DYNC1LI2: variants seen among roughly 807,000 people sequenced by gnomAD.
DYNC1LI2 encodes the protein cytoplasmic dynein 1 light intermediate chain 2.
Under a neutral mutation model 57.8 loss-of-function variants are expected in DYNC1LI2, and 19 were observed. The observed-to-expected ratio is 0.33, with a 90% CI of 0.23 to 0.48. The LOEUF (loss-of-function observed/expected upper bound fraction) is 0.48. Ranked by LOEUF, DYNC1LI2 falls within the 20% of genes least tolerant of loss-of-function variation. The probability of loss-of-function intolerance (pLI) is 0.99; values close to 1 mark genes in which losing one functional copy is unlikely to be tolerated. For missense variants in DYNC1LI2, 470 were observed against 604.2 expected (o/e 0.78, Z 2.33); for synonymous variants, 256 against 233.4 (o/e 1.10, Z -0.88).
In DYNC1LI2 at chr16:66,723,221, C is replaced by T. The variant is rs557815931; in HGVS notation, c.*501G>A. ...AGTATTTACTGACACTGCTCATCTC[C>T]TCCTTCCTCCACCTCCCTCAACATT... On this transcript the variant is annotated 3_prime_UTR_variant, in exon 13 of 13. Coordinates refer to ENST00000258198, the MANE Select transcript of DYNC1LI2 (RefSeq NM_006141.3). The T allele has an allele frequency of 1.6e-3, 654 of 411,590 alleles. 3 individuals carry two copies. Among genetic ancestry groups the T allele is most frequent in the South Asian group, 8.2e-3 (464 of 56,576 alleles). 25.5% of individuals were successfully genotyped at this position (411,590 alleles called of 1,614,324 possible).
intron 4 of DYNC1LI2, among the ~76,000 whole-genome samples, chr16:66,742,174 G>C (rs2144999051): frequency 6.6e-6 from 1 of 152,332 alleles, no homozygotes; most frequent in South Asian, 2.1e-4. Context: ...ATTTTAGGGA[G>C]TGAGGGAAGA....
rs1465783217 is a variant in DYNC1LI2, at chr16:66,742,613, C to G, written c.354G>C (p.Leu118=). ...ILDGDLYHKG[L]LKFAVSAESL... is the part of the protein sequence containing the mutation. Reference sequence around the variant, plus strand: ...ATTCAGCAGAAACTGCAAATTTCAGCAGGCCTTTGTGGTACAAGTCTCCAT... The same window carrying G: ...ATTCAGCAGAAACTGCAAATTTCAGGAGGCCTTTGTGGTACAAGTCTCCAT... The change falls in exon 4 of 13, where the codon CTG becomes CTC. Residue 118 remains leucine (L), a synonymous_variant. Transcript: ENST00000258198. 3 of 1,614,074 alleles carry G rather than the reference C, an allele frequency of 1.9e-6. No homozygotes were observed. The highest frequency in any genetic ancestry group is 2.5e-6 in the Non-Finnish European group (3 of 1,180,044).
At chr16:66,726,438 TAG>T (rs1279337818) in intron 11 of DYNC1LI2, among the ~76,000 whole-genome samples, 1 of 152,238 alleles carries the variant, frequency 6.6e-6, no homozygotes, top group Non-Finnish European at 1.5e-5. Flanking sequence ...CCACAATTCA[TAG>T]ACAGTCATCA....
intron 6 of DYNC1LI2, among the ~76,000 whole-genome samples, chr16:66,733,729 A>T (rs9922030): frequency 0.5 from 76,578 of 151,730 alleles, 20,190 homozygotes; most frequent in African/African-American, 0.64. Context: ...AAAAATCTGG[A>T]AGTGGTGGCG....
At chr16:66,749,465 G>C in intron 2 of DYNC1LI2, 152 bp from the exon 3 acceptor site, 1 of 759,884 alleles carries the variant, frequency 1.3e-6, no homozygotes, top group Admixed American at 2.3e-5. Context: ...GACTTTGCTG[G>C]AAGAGTGGTT....
intron 11 of DYNC1LI2, among the ~76,000 whole-genome samples, 198 bp downstream of exon 11, chr16:66,727,490 G>A (rs1359374489): frequency 6.6e-6 from 1 of 152,192 alleles, no homozygotes; most frequent in Non-Finnish European, 1.5e-5. Flanking sequence ...TTCTAACAAA[G>A]GAACAGGCCC....
intron 4 of DYNC1LI2, among the ~76,000 whole-genome samples, chr16:66,741,001 T>A (rs1230935533): frequency 6.6e-6 from 1 of 152,208 alleles, no homozygotes; most frequent in Admixed American, 6.5e-5. Context: ...ATTCAGTGTT[T>A]CATGGAAATT....
rs749889457 is a variant in DYNC1LI2, at chr16:66,751,541, G to T, written c.51C>A (p.Pro17=). 2.5e-6 allele frequency: 4 copies of T among 1,588,038 alleles called. No homozygotes were observed. Among genetic ancestry groups the T allele is most frequent in the Non-Finnish European group, 3.4e-6 (4 of 1,169,596 alleles). ...EKKLLLGPNG[P]AVAAAGDLTS... is the part of the protein sequence containing the mutation. ...TCAGGTCGCCGGCGGCCGCCACCGC[G>T]GGCCCGTTGGGACCTAGCAGCAGCT... Residue 17 remains proline, a synonymous_variant, in exon 1 of 13, where the codon CCC becomes CCA. Transcript: ENST00000258198. The surrounding 1 kb of genome is among the most constrained non-coding windows in gnomAD (Gnocchi z 5.2).
At chr16:66,725,178 C>CAAAA (rs34062942) in intron 12 of DYNC1LI2, among the ~76,000 whole-genome samples, 4 of 123,204 alleles carry the variant, frequency 3.2e-5, no homozygotes, top group South Asian at 2.7e-4. Context: ...CCATCTCTAT[C>CAAAA]AAAAAAAAAA....
intron 6 of DYNC1LI2, chr16:66,732,733 T>C (rs1742903329): frequency 6.1e-6 from 2 of 325,524 alleles, no homozygotes; most frequent in African/African-American, 2.1e-5. Flanking sequence ...GCTATGTTGA[T>C]GCTAGTGGGC....
In DYNC1LI2 at chr16:66,734,239, G is replaced by A. The variant is rs1407446412; in HGVS notation, c.772C>T (p.Leu258=). 6.2e-7 allele frequency: 1 copy of A among 1,614,140 alleles called. No individual in the cohort carries two copies. Among genetic ancestry groups the A allele is most frequent in the Admixed American group, 1.7e-5 (1 of 60,024 alleles). ...DEHLDFIQSH[L]RRFCLQYGAA... The stretch of plus-strand genomic sequence containing the variant: ...ATACACTGAAGGCAGAACCTCCGCA[G>A]GTGTGACTGGATAAAGTCCAAATGC... The change falls in exon 6 of 13, where the codon CTG becomes TTG. Residue 258 remains leucine, a synonymous_variant. Transcript: ENST00000258198.
chr16:66,747,096 T>TTC (rs2017949369), intron 3 of DYNC1LI2, among the ~76,000 whole-genome samples: 1 of 151,762 alleles, frequency 6.6e-6, no homozygotes, highest in African/African-American at 2.4e-5. Context: ...TTTTTTTTTT[T>TTC]TGAGACAGAG....
chr16:66,737,524 A>G (rs1471710746), intron 4 of DYNC1LI2, among the ~76,000 whole-genome samples: 1 of 151,856 alleles, frequency 6.6e-6, no homozygotes, highest in East Asian at 1.9e-4. Flanking sequence ...TTAATGAAAC[A>G]ATTGAATTTT....
chr16:66,724,909 G>A (rs1028521737), intron 12 of DYNC1LI2, among the ~76,000 whole-genome samples: 3 of 152,142 alleles, frequency 2.0e-5, no homozygotes, highest in African/African-American at 7.2e-5. Context: ...AGTAGGCCAG[G>A]TGCACTAATC....
At chr16:66,747,143 A>ACC (rs1287751246) in intron 3 of DYNC1LI2, among the ~76,000 whole-genome samples, 1 of 151,060 alleles carries the variant, frequency 6.6e-6, no homozygotes, top group Non-Finnish European at 1.5e-5. Flanking sequence ...GCAGTGGCAC[A>ACC]ATCTCGGTCA....
At chr16:66,736,274 T>G (rs553031700) in intron 4 of DYNC1LI2, 30 bp from the exon 5 acceptor site, 4 of 1,604,704 alleles carry the variant, frequency 2.5e-6, no homozygotes, top group South Asian at 1.1e-5. Flanking sequence ...AAAAATCACA[T>G]GCACATAAAT....
chr16:66,734,406 AG>A (rs2017693804), intron 5 of DYNC1LI2, 95 bp from the exon 6 acceptor site: 2 of 1,212,442 alleles, frequency 1.6e-6, no homozygotes, highest in African/African-American at 3.0e-5. Flanking sequence ...GTGGCTCCAA[AG>A]AAGAAAGCCA....
chr16:66,742,800 C>A, intron 3 of DYNC1LI2, 132 bp from the exon 4 acceptor site: 3 of 1,089,912 alleles, frequency 2.8e-6, no homozygotes, highest in Admixed American at 2.6e-5. Flanking sequence ...ATTTGGAAAT[C>A]CAAACCAAAA....
chr16:66,741,715 C>T (rs1272938884), intron 4 of DYNC1LI2, among the ~76,000 whole-genome samples: 1 of 151,946 alleles, frequency 6.6e-6, no homozygotes, highest in Non-Finnish European at 1.5e-5. Context: ...CTGCCCCTCC[C>T]ATTTCCCTGG....
Sources: allele counts gnomAD v4.1 joint callset (sites outside exome capture counted in the v4.1 genomes callset), GRCh38; gene constraint gnomAD v4.1.1; non-coding constraint Gnocchi (gnomAD v3.1); transcripts MANE v1.5; gene names NCBI Gene and HGNC (gene_info 2026-07-23, HGNC 2026-07-21).